ROBO2: variants seen among roughly 807,000 people sequenced by gnomAD.
ROBO2 encodes the protein roundabout homolog 2.
Under a neutral mutation model 160.8 loss-of-function variants are expected in ROBO2, and 53 were observed. The observed-to-expected ratio is 0.33, with a 90% confidence interval of 0.26 to 0.41. The LOEUF is 0.41. Ranked by LOEUF, ROBO2 falls within the 10% of genes least tolerant of loss-of-function variation. ROBO2 has a pLI of 1.00. For missense variants in ROBO2, 1,577 were observed against 1,722.4 expected (o/e 0.92, Z 1.49); for synonymous variants, 664 against 611.7 (o/e 1.09, Z -1.26).
intron 2 of ROBO2, among the ~76,000 whole-genome samples, chr3:76,982,693 T>A (rs1352414450): frequency 6.7e-6 from 1 of 149,842 alleles, no homozygotes; most frequent in African/African-American, 2.4e-5. Context: ...CTTATTAATT[T>A]ATACCTATTT....
intron 2 of ROBO2, among the ~76,000 whole-genome samples, chr3:77,143,360 A>C (rs1045399964): frequency 2.6e-5 from 4 of 151,376 alleles, no homozygotes; most frequent in African/African-American, 9.7e-5. Context: ...ACACCCGGCT[A>C]ATTTTTTCTA....
chr3:76,270,874 C>T (rs1433985821), intron 2 of ROBO2, among the ~76,000 whole-genome samples: 5 of 152,116 alleles, frequency 3.3e-5, no homozygotes, highest in Admixed American at 6.6e-5. Context: ...CTGGACAAGC[C>T]GATTTCTTTA....
intron 2 of ROBO2, among the ~76,000 whole-genome samples, chr3:76,409,564 C>T (rs1345634817): frequency 6.6e-6 from 1 of 151,966 alleles, no homozygotes; most frequent in Non-Finnish European, 1.5e-5. Context: ...AAGTTCTCAC[C>T]AGATATAAAG....
intron 2 of ROBO2, among the ~76,000 whole-genome samples, chr3:75,961,070 A>G (rs977358018): frequency 1.3e-5 from 2 of 151,668 alleles, no homozygotes; most frequent in African/African-American, 4.8e-5. Context: ...AACTGAAGGG[A>G]TATAAAGGGT....
In ROBO2 at chr3:77,621,632, T is replaced by C. The variant is rs1447850565; in HGVS notation, c.3555-595T>C. Among the ~76,000 whole-genome samples the C allele has an allele frequency of 2.6e-5, 4 of 152,238 alleles. No homozygotes were observed. In the East Asian group the frequency reaches 7.7e-4, roughly 29 times the overall value. ...TTGTTGGGTGAGACAGATACATAAA[T>C]AGCTACTAGAGCACAAATTAGTTGT... On this transcript the variant is annotated intron_variant, in intron 22 of 25. Coordinates refer to ENST00000461745, the Ensembl canonical transcript of ROBO2.
chr3:77,473,058 C>T (rs988373731), intron 2 of ROBO2, among the ~76,000 whole-genome samples: 26 of 151,936 alleles, frequency 1.7e-4, no homozygotes, highest in African/African-American at 6.0e-4. Flanking sequence ...GGGAGGGGTT[C>T]CGAGCGTATC....
chr3:76,592,667 T>C (rs1050211286), intron 2 of ROBO2, among the ~76,000 whole-genome samples: 4 of 152,074 alleles, frequency 2.6e-5, no homozygotes, highest in Non-Finnish European at 5.9e-5. Flanking sequence ...TAGCACCCAA[T>C]TATAATCTCA....
intron 2 of ROBO2, among the ~76,000 whole-genome samples, chr3:76,631,804 A>T (rs577548273): frequency 6.6e-6 from 1 of 152,134 alleles, no homozygotes; most frequent in Admixed American, 6.5e-5. Flanking sequence ...AATGAAGAGG[A>T]GGAGTAGATA....
intron 2 of ROBO2, among the ~76,000 whole-genome samples, chr3:76,342,977 G>T (rs960398763): frequency 6.6e-6 from 1 of 151,964 alleles, no homozygotes; most frequent in African/African-American, 2.4e-5. Context: ...TAAGTAGCTT[G>T]TTTGCATTAT....
chr3:76,132,385 C>T (rs2071255067), intron 2 of ROBO2, among the ~76,000 whole-genome samples: 1 of 29,536 alleles, frequency 3.4e-5, no homozygotes, highest in Non-Finnish European at 8.5e-5. Flanking sequence ...TGCCCAAATT[C>T]CAGACTGTTG....
intron 2 of ROBO2, among the ~76,000 whole-genome samples, chr3:77,414,010 A>C (rs547288603): frequency 1.3e-4 from 20 of 152,280 alleles, no homozygotes; most frequent in African/African-American, 4.1e-4. Flanking sequence ...CTGTGGAGGC[A>C]TAAGAGATCC....
At chr3:76,850,887 GT>G (rs1355368152) in intron 2 of ROBO2, among the ~76,000 whole-genome samples, 1 of 152,152 alleles carries the variant, frequency 6.6e-6, no homozygotes, top group Admixed American at 6.5e-5. Flanking sequence ...TTTACAAAGT[GT>G]CTCTGCAACA....
intron 2 of ROBO2, among the ~76,000 whole-genome samples, chr3:76,910,213 C>CA (rs1015054432): frequency 6.6e-6 from 1 of 151,984 alleles, no homozygotes; most frequent in Admixed American, 6.6e-5. Context: ...GGACACTGTT[C>CA]AAAAAATCTT....
At chr3:76,492,639 C>T (rs1184415814) in intron 2 of ROBO2, among the ~76,000 whole-genome samples, 1 of 151,838 alleles carries the variant, frequency 6.6e-6, no homozygotes, top group Non-Finnish European at 1.5e-5. Flanking sequence ...TCAAACTTCT[C>T]AATGCCTTAC....
intron 2 of ROBO2, among the ~76,000 whole-genome samples, chr3:76,826,278 C>T (rs921299266): frequency 2.6e-5 from 4 of 151,994 alleles, no homozygotes; most frequent in Admixed American, 2.6e-4. Context: ...ATCTAAGGCA[C>T]ACACTAGGGC....
intron 2 of ROBO2, among the ~76,000 whole-genome samples, chr3:76,238,082 A>G (rs536316846): frequency 1.3e-5 from 2 of 152,332 alleles, no homozygotes; most frequent in African/African-American, 4.8e-5. Flanking sequence ...TCTGAAAGAC[A>G]TGAAATGGAC....
chr3:77,421,857 T>A (rs1490684387), intron 2 of ROBO2, among the ~76,000 whole-genome samples: 1 of 152,180 alleles, frequency 6.6e-6, no homozygotes, highest in African/African-American at 2.4e-5. Flanking sequence ...TATATCAGCC[T>A]GAAATAATTT....
intron 2 of ROBO2, among the ~76,000 whole-genome samples, chr3:76,871,179 C>T (rs1273567039): frequency 6.6e-6 from 1 of 152,192 alleles, no homozygotes; most frequent in Admixed American, 6.5e-5. Context: ...TTTCAAATTC[C>T]TTAAATAACC....
At chr3:76,414,413 C>T (rs921599354) in intron 2 of ROBO2, among the ~76,000 whole-genome samples, 3 of 152,076 alleles carry the variant, frequency 2.0e-5, no homozygotes, top group African/African-American at 4.8e-5. Context: ...TCTTCCAGGA[C>T]TTTCCAGTCA....
Sources: gnomAD v4.1 joint callset for allele counts (sites outside exome capture counted in the v4.1 genomes callset) on GRCh38, gnomAD v4.1.1 for gene constraint, MANE v1.5 for transcripts, NCBI Gene and HGNC (gene_info 2026-07-23, HGNC 2026-07-21) for gene names.